The following CCDC187 variants were observed in gnomAD, a reference collection of about 807,000 sequenced individuals.
CCDC187 encodes coiled-coil domain containing 187.
In CCDC187, 32 loss-of-function variants were observed where a neutral mutation model predicts 38.0. The ratio of observed to expected loss-of-function variants is 0.84; its 90% CI spans 0.64 to 1.13. The LOEUF (loss-of-function observed/expected upper bound fraction) is 1.13. CCDC187 is among the 50% of genes most tolerant of loss of function. CCDC187 has a pLI of 0.00. For synonymous variants in CCDC187, 333 were observed against 347.9 expected, an observed-to-expected ratio of 0.96 and a Z score of 0.48; for missense variants, 707 against 786.8, an observed-to-expected ratio of 0.90 and a Z score of 1.21.
At chr9:136,288,638 A>G (rs1831237951) in intron 7 of CCDC187, among the ~76,000 whole-genome samples, 1 of 152,154 alleles carries the variant, frequency 6.6e-6, no homozygotes, top group Admixed American at 6.5e-5. Context: ...GCCAGGCTGG[A>G]AACTGTAGTG....
At chr9:136,266,604 C>A (rs1830752038) in intron 16 of CCDC187, 1 of 152,202 alleles carries the variant, frequency 6.6e-6, no homozygotes, top group South Asian at 2.1e-4. Context: ...ACCTAGAGGC[C>A]CGGAGATCCG....
At chr9:136,275,195 A>G (rs1830909210) in intron 12 of CCDC187, among the ~76,000 whole-genome samples, 188 bp from the exon 13 acceptor site, 1 of 151,958 alleles carries the variant, frequency 6.6e-6, no homozygotes, top group Non-Finnish European at 1.5e-5. Context: ...CCTCCCAGAG[A>G]GGCCACTGCA....
Position 136,254,298 on chromosome 9 carries a change from G to A in CCDC187, c.5530C>T (p.Leu1844=), listed in dbSNP as rs1830586032. Residue 1844 remains leucine (L), a synonymous_variant, in exon 26 of 26, where the codon CTG becomes TTG. Coordinates refer to ENST00000638797, the MANE Select transcript of CCDC187 (RefSeq NM_001378188.1). ...ALPSPWPGEG[L]EASGTSESLM... ...CTCTCGCTGGTCCCAGAAGCTTCCA[G>A]CCCCTCCCCAGGCCATGGGGACGGA... is the stretch of plus-strand genomic sequence containing the variant. 1 of 978,668 alleles carries A rather than the reference G, an allele frequency of 1.0e-6. No individual in the cohort carries two copies. The highest frequency in any genetic ancestry group is 1.2e-6 in the Non-Finnish European group (1 of 823,966). The allele number at this position is 978,668 out of a possible 1,614,324, so 60.6% of individuals were successfully genotyped here. A position where few individuals can be genotyped will look rare whatever the true frequency, so the allele number is the denominator to read the frequency against.
At chr9:136,277,094 G>A (rs1830946266) in intron 10 of CCDC187, among the ~76,000 whole-genome samples, 1 of 151,962 alleles carries the variant, frequency 6.6e-6, no homozygotes, top group African/African-American at 2.4e-5. Context: ...CAGGACATGG[G>A]CTTTGCCCCC....
At chr9:136,294,888 C>T (rs909064631) in intron 4 of CCDC187, among the ~76,000 whole-genome samples, 2 of 152,342 alleles carry the variant, frequency 1.3e-5, no homozygotes, top group East Asian at 1.9e-4. Flanking sequence ...AGGTTTAGGG[C>T]GTGGTCTCAG....
At chr9:136,304,788 G>A (rs1209758415), upstream of CCDC187, among the ~76,000 whole-genome samples, 1 of 152,224 alleles carries the variant, frequency 6.6e-6, no homozygotes, top group African/African-American at 2.4e-5. Flanking sequence ...GGTGGCAGTG[G>A]CACGGAGCTG....
chr9:136,279,783 A>AGGCAATTCAGCCATGAGGC (rs1173697921), intron 10 of CCDC187, among the ~76,000 whole-genome samples: 6 of 152,370 alleles, frequency 3.9e-5, no homozygotes, highest in South Asian at 2.1e-4. Flanking sequence ...TTGAAATACA[A>AGGCAATTCAGCCATGAGGC]GGCAATTCAG....
chr9:136,294,866 C>G (rs1831496212), intron 4 of CCDC187, among the ~76,000 whole-genome samples: 1 of 152,216 alleles, frequency 6.6e-6, no homozygotes, highest in Non-Finnish European at 1.5e-5. Flanking sequence ...GACAGGACCC[C>G]AAGGTAGAGG....
intron 4 of CCDC187, among the ~76,000 whole-genome samples, chr9:136,294,075 C>A (rs1318818018): frequency 6.6e-6 from 1 of 151,410 alleles, no homozygotes. Context: ...CACACACTCA[C>A]ACGCTCATAT....
intron 3 of CCDC187, 25 bp downstream of exon 3, chr9:136,300,195 G>A: frequency 2.5e-6 from 1 of 398,592 alleles, no homozygotes; most frequent in Non-Finnish European, 4.4e-6. Flanking sequence ...CGGAGCACCA[G>A]GGCAGCCGCC....
chr9:136,256,054 C>T lies in CCDC187; in HGVS notation c.4616+157G>A, dbSNP rs1165097031. Among the ~76,000 whole-genome samples, 8 of 152,156 alleles carry T rather than the reference C, an allele frequency of 5.3e-5. 1 individual carries two copies. Among genetic ancestry groups the T allele is most frequent in the Admixed American group, 2.6e-4 (4 of 15,280 alleles). Reference sequence around the variant, plus strand: ...TTTTTATTTCCAAAAGTGGGTCAGACCCAGGAGGGCTCAGGGTGGGTGCAG... The same window carrying T: ...TTTTTATTTCCAAAAGTGGGTCAGATCCAGGAGGGCTCAGGGTGGGTGCAG... On this transcript the variant is annotated intron_variant, in intron 24 of 25. Coordinates refer to ENST00000638797, the MANE Select transcript of CCDC187 (RefSeq NM_001378188.1).
chr9:136,306,872 G>A (rs1831810506), upstream of CCDC187: 1 of 152,268 alleles, frequency 6.6e-6, no homozygotes, highest in African/African-American at 2.4e-5. Flanking sequence ...CCAGACATGC[G>A]GCTGTCTCTG....
chr9:136,305,491 GC>G (rs1318969816), upstream of CCDC187, among the ~76,000 whole-genome samples: 3 of 152,160 alleles, frequency 2.0e-5, no homozygotes, highest in Non-Finnish European at 2.9e-5. Context: ...CACAGGCCTG[GC>G]CCCCCTGCTG....
Position 136,286,107 on chromosome 9 carries a change from G to T in CCDC187, c.2811C>A (p.Ala937=). ...TACCTCGGGGCTTGCTCTCGCAGTG[G>T]GCCCTCGGGCTCACACTCTGCTGTT... ...WEQQQSVSPR[A]HCESKPRGFP... is the part of the protein sequence containing the mutation. Residue 937 remains alanine (A), a synonymous_variant, in exon 8 of 26, where the codon GCC becomes GCA. Coordinates refer to ENST00000638797, the MANE Select transcript of CCDC187 (RefSeq NM_001378188.1). 2.5e-6 allele frequency: 1 copy of T among 398,534 alleles called. No individual in the cohort carries two copies. Among genetic ancestry groups the T allele is most frequent in the South Asian group, 1.3e-4 (1 of 7,846 alleles). The allele number at this position is 398,534 out of a possible 1,614,324, so 24.7% of individuals were successfully genotyped here. A position where few individuals can be genotyped will look rare whatever the true frequency, so the allele number is the denominator to read the frequency against.
At chr9:136,294,927 T>C (rs1831498235) in intron 4 of CCDC187, among the ~76,000 whole-genome samples, 2 of 152,360 alleles carry the variant, frequency 1.3e-5, no homozygotes, top group South Asian at 4.1e-4. Context: ...TAAGTCTGGC[T>C]CTGCCACTCA....
At chr9:136,267,160 A>G (rs1216442912) in intron 16 of CCDC187, 2 of 155,772 alleles carry the variant, frequency 1.3e-5, no homozygotes, top group Non-Finnish European at 2.8e-5. Flanking sequence ...CTTTGGAACG[A>G]TGGGGGTATT....
At chr9:136,288,240 GC>G (rs1484542867) in intron 7 of CCDC187, among the ~76,000 whole-genome samples, 1 of 152,132 alleles carries the variant, frequency 6.6e-6, no homozygotes, top group Non-Finnish European at 1.5e-5. Flanking sequence ...GACAGATGCA[GC>G]CCCTGGGCTG....
intron 7 of CCDC187, among the ~76,000 whole-genome samples, chr9:136,288,634 C>A (rs1416851238): frequency 1.3e-5 from 2 of 152,170 alleles, no homozygotes; most frequent in Non-Finnish European, 2.9e-5. Flanking sequence ...GAGAGCCAGG[C>A]TGGAAACTGT....
chr9:136,252,523 C>T lies in CCDC187; in HGVS notation c.*1071G>A, dbSNP rs939452999. ...GGCGACCATCCTGCACAGCCGGCCG[C>T]CCACCCGGTCCACCGGGGAAAGGTC... On this transcript the variant is annotated 3_prime_UTR_variant, in exon 26 of 26. Coordinates refer to ENST00000638797, the MANE Select transcript of CCDC187 (RefSeq NM_001378188.1). The T allele has an allele frequency of 2.1e-5, 4 of 194,714 alleles. No homozygotes were observed. Among genetic ancestry groups the T allele is most frequent in the Admixed American group, 6.5e-5 (1 of 15,452 alleles). 12.1% of individuals were successfully genotyped at this position (194,714 alleles called of 1,614,324 possible). A position where few individuals can be genotyped will look rare whatever the true frequency, so the allele number is the denominator to read the frequency against.
Sources: gnomAD v4.1 joint callset for allele counts (sites outside exome capture counted in the v4.1 genomes callset) on GRCh38, gnomAD v4.1.1 for gene constraint, MANE v1.5 for transcripts, NCBI Gene and HGNC (gene_info 2026-07-23, HGNC 2026-07-21) for gene names.